CUL7: variants seen among roughly 807,000 people sequenced by gnomAD.
CUL7 encodes cullin-7.
A neutral mutation model predicts 177.7 loss-of-function variants in CUL7; 96 were observed. The observed-to-expected ratio is 0.54, with a 90% CI of 0.46 to 0.64. The LOEUF (loss-of-function observed/expected upper bound fraction) is 0.64. Among genes scored for constraint, CUL7 ranks in the 30% least tolerant of loss-of-function variants. The pLI is 0.00. For synonymous variants in CUL7, 824 were observed against 890.2 expected, an observed-to-expected ratio of 0.93 and a Z score of 1.32; for missense variants, 1,893 against 2,187.9, an observed-to-expected ratio of 0.87 and a Z score of 2.69.
rs1488647904 is a variant in CUL7, at chr6:43,043,825, C to T, written c.3173-195G>A. Among the ~76,000 whole-genome samples, 1 of 151,172 alleles carries T rather than the reference C, an allele frequency of 6.6e-6. No homozygotes were observed. The highest frequency in any genetic ancestry group is 1.5e-5 in the Non-Finnish European group (1 of 67,838). On this transcript the variant is annotated intron_variant, in intron 16 of 25. Coordinates refer to ENST00000265348, the MANE Select transcript of CUL7 (RefSeq NM_014780.5). This position sits in a 1 kb window ranked among gnomAD's most constrained non-coding sequence, Gnocchi z 4.2. Reference sequence around the variant, plus strand: ...GAGAGGATCGCTTGAGGCAGGAGTTCAAGACTGGCCTGGTCAACATAGCAG... The same window carrying T: ...GAGAGGATCGCTTGAGGCAGGAGTTTAAGACTGGCCTGGTCAACATAGCAG...
chr6:43,040,574 C>A lies in CUL7; in HGVS notation c.3979G>T (p.Asp1327Tyr), dbSNP rs758375607. ...TCCTCCAGCTTCAGGAGTTCCTGAT[C>A]CAGCTGCTGGAGCTGGTAGACGTGG... ...QFHVYQLQQLDQELLKLEDTE... is the reference protein window; with the variant it reads ...QFHVYQLQQLYQELLKLEDTE... Residue 1327 changes from aspartate (D) to tyrosine (Y), a missense_variant, in exon 21 of 26, where the codon GAT (aspartate) becomes TAT (tyrosine). This residue lies in a region of CUL7 where 973 missense variants were observed against 1,140.9 expected (regional missense o/e 0.85). Transcript: ENST00000265348. This position sits in a 1 kb window ranked among gnomAD's most constrained non-coding sequence, Gnocchi z 4.2. The A allele has an allele frequency of 3.1e-6, 5 of 1,614,098 alleles. No homozygotes were observed. Among genetic ancestry groups the A allele is most frequent in the Non-Finnish European group, 4.2e-6 (5 of 1,180,038 alleles).
In CUL7 at chr6:43,047,006, C is replaced by T. The variant is rs370617118; in HGVS notation, c.2271G>A (p.Lys757=). ...GCTTTCCCAGGTGCTTTTCCAGGGCCTTGGAGATAGCGTCTCTTGCTCCCA... is the reference window on the plus strand; with the variant it reads ...GCTTTCCCAGGTGCTTTTCCAGGGCTTTGGAGATAGCGTCTCTTGCTCCCA... ...NQLGARDAIS[K]ALEKHLGKLE... is the part of the protein sequence containing the mutation. Residue 757 remains lysine (K), a synonymous_variant, in exon 10 of 26, where the codon AAG becomes AAA. Transcript: ENST00000265348. The T allele has an allele frequency of 6.2e-7, 1 of 1,612,680 alleles. No homozygotes were observed. Among genetic ancestry groups the T allele is most frequent in the African/African-American group, 1.3e-5 (1 of 74,862 alleles).
chr6:43,050,314 T>C lies in CUL7; in HGVS notation c.1318A>G (p.Met440Val), dbSNP rs1373771469. The C allele has an allele frequency of 1.9e-6, 3 of 1,614,046 alleles. No individual in the cohort carries two copies. The highest frequency in any genetic ancestry group is 1.7e-5 in the Admixed American group (1 of 60,000). ...ILGFEEDIED[M>V]VEADEYQGAV... is the part of the protein sequence containing the mutation. The stretch of plus-strand genomic sequence containing the variant: ...CCTTGGTACTCATCAGCCTCAACCA[T>C]GTCCTCAATGTCTTCCTCAAAGCCC... Residue 440 changes from methionine (M) to valine (V), a missense_variant, in exon 5 of 26, where the codon ATG becomes GTG. Met to Val is a conservative substitution (Grantham distance 21). Coordinates refer to ENST00000265348, the MANE Select transcript of CUL7 (RefSeq NM_014780.5). The surrounding 1 kb of genome is among the most constrained non-coding windows in gnomAD (Gnocchi z 4.1).
At position 43,052,926 on chromosome 6, in the gene CUL7, A is replaced by G; in HGVS notation, c.-8-130T>C. ...GGGGTGGGGTAAAGCCAGGCCCAGG[A>G]GTTGCATGCTGCACGCTGGGTGGGG... On this transcript the variant is annotated intron_variant, in intron 1 of 25. Transcript: ENST00000265348. The surrounding 1 kb of genome is among the most constrained non-coding windows in gnomAD (Gnocchi z 4.5). The G allele has an allele frequency of 1.1e-6, 1 of 925,400 alleles. No individual in the cohort carries two copies. Among genetic ancestry groups the G allele is most frequent in the Admixed American group, 2.0e-5 (1 of 49,832 alleles). 57.3% of individuals were successfully genotyped at this position (925,400 alleles called of 1,614,324 possible). A position where few individuals can be genotyped will look rare whatever the true frequency, so the allele number is the denominator to read the frequency against.
intron 19 of CUL7, among the ~76,000 whole-genome samples, chr6:43,041,833 G>A (rs1044126704): frequency 2.0e-5 from 3 of 151,780 alleles, no homozygotes; most frequent in East Asian, 1.9e-4. Flanking sequence ...GTGAAACTCC[G>A]TCTCTACTAA....
rs1331772080 is a variant in CUL7 at position 43,040,689 on chromosome 6, C to G, written c.3864G>C (p.Val1288=). The G allele has an allele frequency of 6.2e-7, 1 of 1,614,196 alleles. No homozygotes were observed. Among genetic ancestry groups the G allele is most frequent in the Non-Finnish European group, 8.5e-7 (1 of 1,180,048 alleles). Residue 1288 remains valine, a synonymous_variant, in exon 21 of 26, where the codon GTG becomes GTC. Transcript: ENST00000265348. This position sits in a 1 kb window ranked among gnomAD's most constrained non-coding sequence, Gnocchi z 4.2. Reference sequence around the variant, plus strand: ...GGAAGCAGGGACCGATCTGCTCCAGCACGGCCCCCTCCAGCCAGCTCGAGA... The same window carrying G: ...GGAAGCAGGGACCGATCTGCTCCAGGACGGCCCCCTCCAGCCAGCTCGAGA... ...GVVSSWLEGA[V]LEQIGPCFPN...
Position 43,038,421 on chromosome 6 carries a change from A to G in CUL7, c.4619T>C (p.Ile1540Thr). The G allele has an allele frequency of 6.2e-7, 1 of 1,614,144 alleles. No homozygotes were observed. Among genetic ancestry groups the G allele is most frequent in the Non-Finnish European group, 8.5e-7 (1 of 1,180,030 alleles). Residue 1540 changes from isoleucine to threonine, a missense_variant, in exon 25 of 26, where the codon ATT becomes ACT. Physicochemically the swap from Ile to Thr is moderately conservative, Grantham distance 89. Around this residue, in one of 5 missense-constraint regions of CUL7, gnomAD observed 248 missense variants for 262.5 expected, o/e 0.94. Transcript: ENST00000265348. ...GSKEPRSRWD[I>T]VRLIPPQTYL... ...CGTCTGAGGTGGGATGAGCCGCACA[A>G]TGTCCCATCTCGACCTGGGTTCCTT... is the stretch of plus-strand genomic sequence containing the variant.
At position 43,040,686 on chromosome 6, in the gene CUL7, C is replaced by A; in HGVS notation, c.3867G>T (p.Leu1289=). The A allele has an allele frequency of 6.2e-7, 1 of 1,614,190 alleles. No individual in the cohort carries two copies. The highest frequency in any genetic ancestry group is 8.5e-7 in the Non-Finnish European group (1 of 1,180,052). ...VVSSWLEGAV[L]EQIGPCFPNR... ...TGGGGAAGCAGGGACCGATCTGCTC[C>A]AGCACGGCCCCCTCCAGCCAGCTCG... is the stretch of plus-strand genomic sequence containing the variant. The change falls in exon 21 of 26, where the codon CTG becomes CTT. Residue 1289 remains leucine, a synonymous_variant. Transcript: ENST00000265348. The surrounding 1 kb of genome is among the most constrained non-coding windows in gnomAD (Gnocchi z 4.2).
chr6:43,045,540 G>T lies in CUL7; in HGVS notation c.2862+47C>A, dbSNP rs371660032. 37 of 1,613,262 alleles carry T rather than the reference G, an allele frequency of 2.3e-5. No homozygotes were observed. The highest frequency in any genetic ancestry group is 3.1e-5 in the Non-Finnish European group (36 of 1,179,422). ...GGCTTAAGATCTGCCTGTTTATGGG[G>T]CTCAGAGCCCCCTACCCAGGGCCAC... On this transcript the variant is annotated intron_variant, in intron 14 of 25. Coordinates refer to ENST00000265348, the MANE Select transcript of CUL7 (RefSeq NM_014780.5). This position sits in a 1 kb window ranked among gnomAD's most constrained non-coding sequence, Gnocchi z 4.8.
In CUL7 at chr6:43,043,252, G is replaced by A. The variant is rs1763606106; in HGVS notation, c.3356-72C>T. 5.2e-6 allele frequency: 7 copies of A among 1,335,148 alleles called. No homozygotes were observed. The highest frequency in any genetic ancestry group is 3.6e-5 in the South Asian group (3 of 83,092). 82.7% of individuals were successfully genotyped at this position (1,335,148 alleles called of 1,614,324 possible). ...CCACTCCCAAGTCCCCATCCAAGGG[G>A]GTTCCCTGAGGCCTTTCCTGACATG... On this transcript the variant is annotated intron_variant, in intron 17 of 25. Transcript: ENST00000265348. This position sits in a 1 kb window ranked among gnomAD's most constrained non-coding sequence, Gnocchi z 4.2.
At chr6:43,048,651 T>A in intron 7 of CUL7, 82 bp from the exon 8 acceptor site, 1 of 944,648 alleles carries the variant, frequency 1.1e-6, no homozygotes, top group Non-Finnish European at 1.6e-6. Context: ...TCTCAATCTT[T>A]TTCTCTAATT....
chr6:43,045,768 C>A lies in CUL7; in HGVS notation c.2767-86G>T. ...TCCAGTCCCCTCACTGTTTCCCTCCCTTCCCCAGCCCTGGGATGTGTAGGG... is the reference window on the plus strand; with the variant it reads ...TCCAGTCCCCTCACTGTTTCCCTCCATTCCCCAGCCCTGGGATGTGTAGGG... On this transcript the variant is annotated intron_variant, in intron 13 of 25. Transcript: ENST00000265348. The surrounding 1 kb of genome is among the most constrained non-coding windows in gnomAD (Gnocchi z 4.8). 1.4e-6 allele frequency: 2 copies of A among 1,452,966 alleles called. No homozygotes were observed. The highest frequency in any genetic ancestry group is 1.9e-6 in the Non-Finnish European group (2 of 1,038,734). The allele number at this position is 1,452,966 out of a possible 1,614,324, so 90.0% of individuals were successfully genotyped here.
chr6:43,043,674 G>A lies in CUL7; in HGVS notation c.3173-44C>T. 7.4e-7 allele frequency: 1 copy of A among 1,353,896 alleles called. No individual in the cohort carries two copies. Among genetic ancestry groups the A allele is most frequent in the East Asian group, 2.4e-5 (1 of 41,074 alleles). 83.9% of individuals were successfully genotyped at this position (1,353,896 alleles called of 1,614,324 possible). ...AAACCAAGGCACAGCCATGTCTGCA[G>A]GGAAGTGGGAGTGGTTGGGCTGAAC... On this transcript the variant is annotated intron_variant, in intron 16 of 25. Transcript: ENST00000265348. This position sits in a 1 kb window ranked among gnomAD's most constrained non-coding sequence, Gnocchi z 4.2.
chr6:43,043,220 A>G lies in CUL7; in HGVS notation c.3356-40T>C, dbSNP rs1260504996. The G allele has an allele frequency of 1.1e-5, 16 of 1,522,162 alleles. No individual in the cohort carries two copies. Among genetic ancestry groups the G allele is most frequent in the Admixed American group, 8.5e-5 (5 of 58,962 alleles). 94.3% of individuals were successfully genotyped at this position (1,522,162 alleles called of 1,614,324 possible). A position where few individuals can be genotyped will look rare whatever the true frequency, so the allele number is the denominator to read the frequency against. On this transcript the variant is annotated intron_variant, in intron 17 of 25. Transcript: ENST00000265348. This position sits in a 1 kb window ranked among gnomAD's most constrained non-coding sequence, Gnocchi z 4.2. ...AAAGTGGCAGAGGCAAGGAGGGTGC[A>G]GCCCCTCCACTCCCAAGTCCCCATC...
rs142250046 is a variant in CUL7 at position 43,044,844 on chromosome 6, C to A, written c.3080G>T (p.Arg1027Leu). Residue 1027 changes from arginine (R) to leucine (L), a missense_variant, in exon 16 of 26, where the codon CGC (arginine) becomes CTC (leucine). Physicochemically the swap from Arg to Leu is moderately radical, Grantham distance 102. Transcript: ENST00000265348. ...GGCAGCCTCGTCATCAGGGAGGAAG[C>A]GGTCAGCAAAATTCTGCTCCTGGCG... Reference protein sequence around the residue: ...ALRQEQNFADRFLPDDEAAQA... With the variant: ...ALRQEQNFADLFLPDDEAAQA... 5.6e-6 allele frequency: 9 copies of A among 1,613,874 alleles called. No homozygotes were observed. In the South Asian group the frequency reaches 9.9e-5, roughly 18 times the overall value.
intron 16 of CUL7, among the ~76,000 whole-genome samples, chr6:43,044,186 G>A (rs2150318665): frequency 6.6e-6 from 1 of 152,368 alleles, no homozygotes; most frequent in Admixed American, 6.5e-5. Flanking sequence ...GCTGGGCATG[G>A]TGGCCCATGC....
At chr6:43,046,486 G>A in intron 11 of CUL7, 25 bp downstream of exon 11, 1 of 1,614,190 alleles carries the variant, frequency 6.2e-7, no homozygotes, top group East Asian at 2.2e-5. Context: ...TGGGGAGGTG[G>A]AGCAACACGG....
Position 43,046,906 on chromosome 6 carries a change from T to C in CUL7, c.2371A>G (p.Thr791Ala). The C allele has an allele frequency of 6.2e-7, 1 of 1,609,202 alleles. No individual in the cohort carries two copies. Among genetic ancestry groups the C allele is most frequent in the Admixed American group, 1.7e-5 (1 of 59,988 alleles). ...KHAHLYRKLI[T>A]NILGGCIQMV... ...TGGATGCAGCCTCCCAGGATGTTGGTGATGAGTTTGCGGTAGAGGTGGGCA... is the reference window on the plus strand; with the variant it reads ...TGGATGCAGCCTCCCAGGATGTTGGCGATGAGTTTGCGGTAGAGGTGGGCA... Residue 791 changes from threonine to alanine, a missense_variant, in exon 10 of 26, where the codon ACC (threonine) becomes GCC (alanine). By Grantham distance (58) the Thr-to-Ala change is moderately conservative (BLOSUM62 0). Around this residue, in one of 5 missense-constraint regions of CUL7, gnomAD observed 973 missense variants for 1,140.9 expected, o/e 0.85. Transcript: ENST00000265348.
chr6:43,050,467 C>T lies in CUL7; in HGVS notation c.1234-69G>A. On this transcript the variant is annotated intron_variant, in intron 4 of 25. Transcript: ENST00000265348. The surrounding 1 kb of genome is among the most constrained non-coding windows in gnomAD (Gnocchi z 4.1). ...ACAAATGACTGGCTGTGGCCCAGTA[C>T]TGAGGACTATAGCCCTCAGGGTGAC... 1 of 1,593,442 alleles carries T rather than the reference C, an allele frequency of 6.3e-7. No individual in the cohort carries two copies. Among genetic ancestry groups the T allele is most frequent in the Non-Finnish European group, 8.6e-7 (1 of 1,166,524 alleles).
Sources: allele counts gnomAD v4.1 joint callset (sites outside exome capture counted in the v4.1 genomes callset), GRCh38; gene constraint gnomAD v4.1.1; regional missense constraint gnomAD v4.1.1; non-coding constraint Gnocchi (gnomAD v3.1); transcripts MANE v1.5; gene names NCBI Gene and HGNC (gene_info 2026-07-23, HGNC 2026-07-21).